BRCA1: variants seen among roughly 807,000 people sequenced by gnomAD.
BRCA1 encodes breast cancer type 1 susceptibility protein.
Under a neutral mutation model 173.7 loss-of-function variants are expected in BRCA1, and 140 were observed. That is an observed-to-expected ratio of 0.81 (90% CI 0.70 to 0.93). The LOEUF (loss-of-function observed/expected upper bound fraction) is 0.93, where lower values mean the gene tolerates loss of function less well. Among genes scored for constraint, BRCA1 ranks in the 40% least tolerant of loss-of-function variants. The pLI, the probability that BRCA1 is intolerant of heterozygous loss-of-function variation, is 0.00. For synonymous variants in BRCA1, 662 were observed against 756.0 expected (o/e 0.88, Z 2.04); for missense variants, 1,983 against 2,172.5 (o/e 0.91, Z 1.73).
chr17:43,063,837 G>T, intron 17 of BRCA1, 37 bp downstream of exon 17: 1 of 1,558,914 alleles, frequency 6.4e-7, no homozygotes, highest in Non-Finnish European at 8.8e-7. Flanking sequence ...ATTCTGAGGT[G>T]TTAAAGGGAG....
chr17:43,053,909 C>T lies in BRCA1; in HGVS notation c.5278-2792G>A, dbSNP rs550810402. 7.3e-5 allele frequency among the ~76,000 whole-genome samples: 11 copies of T among 150,882 alleles called. No homozygotes were observed. The South Asian group carries it at 2.1e-3, about 29-fold the overall frequency. ...ACTTGAACCCTGGAGGCAGAGATTG[C>T]GGTGAGCCAAGATCACGCCATTGTA... On this transcript the variant is annotated intron_variant, in intron 19 of 22. Transcript: ENST00000357654.
chr17:43,046,096 A>C (rs2050905243), intron 22 of BRCA1, among the ~76,000 whole-genome samples: 1 of 149,330 alleles, frequency 6.7e-6, no homozygotes, highest in African/African-American at 2.5e-5. Flanking sequence ...TAATTTTTGT[A>C]TTTTTAGTAG....
intron 16 of BRCA1, among the ~76,000 whole-genome samples, chr17:43,065,737 G>A (rs948750567): frequency 6.6e-6 from 1 of 152,130 alleles, no homozygotes; most frequent in Non-Finnish European, 1.5e-5. Flanking sequence ...AACTAATTTT[G>A]TTAGAAAGAT....
intron 13 of BRCA1, 65 bp downstream of exon 13, chr17:43,076,423 C>T (rs2052712941): frequency 1.9e-6 from 3 of 1,587,786 alleles, no homozygotes; most frequent in Non-Finnish European, 2.6e-6. Flanking sequence ...AAAAAATTAA[C>T]AATCAGAGTT....
intron 9 of BRCA1, among the ~76,000 whole-genome samples, 154 bp from the exon 10 acceptor site, chr17:43,095,014 ACT>A (rs2154503392): frequency 6.6e-6 from 1 of 151,744 alleles, no homozygotes; most frequent in East Asian, 1.9e-4. Flanking sequence ...TGTAGCTCAT[ACT>A]CTTTCATTTA....
At chr17:43,127,643 A>G (rs768491960), upstream of BRCA1, among the ~76,000 whole-genome samples, 6 of 152,210 alleles carry the variant, frequency 3.9e-5, no homozygotes, top group African/African-American at 9.6e-5. Context: ...AAATGCACCA[A>G]TCAGCACCCT....
intron 1 of BRCA1, chr17:43,166,101 A>C (rs1232361922): frequency 8.4e-6 from 1 of 119,054 alleles, no homozygotes; most frequent in African/African-American, 3.2e-5. Context: ...TCTCTCTTTG[A>C]CTTTCCTTTT....
At chr17:43,098,776 A>AG (rs1301024034) in intron 7 of BRCA1, among the ~76,000 whole-genome samples, 1 of 151,256 alleles carries the variant, frequency 6.6e-6, no homozygotes, top group Non-Finnish European at 1.5e-5. Context: ...CCAAAGCGTT[A>AG]GGATTACAGG....
At position 43,125,268 on chromosome 17, in the gene BRCA1, T is replaced by TA. The variant is rs2055826154; in HGVS notation, c.-20+2dup. 1 of 456,008 alleles carries TA rather than the reference T, an allele frequency of 2.2e-6. No individual in the cohort carries two copies. The highest frequency in any genetic ancestry group is 4.4e-6 in the Non-Finnish European group (1 of 226,940). The allele number at this position is 456,008 out of a possible 1,614,324, so 28.2% of individuals were successfully genotyped here. ...CCCTGTCCCTTTCCCGGGACTCTAC[T>TA]ACCTTTACCCAGAGCAGAGGGTGAA... On this transcript the variant is annotated splice_region_variant and intron_variant, in intron 1 of 22. Coordinates refer to ENST00000357654, the MANE Select transcript of BRCA1 (RefSeq NM_007294.4).
intron 12 of BRCA1, chr17:43,079,788 T>TAAAAA (rs56914599): frequency 7.0e-6 from 5 of 714,048 alleles, no homozygotes; most frequent in Non-Finnish European, 1.2e-5. Context: ...TAATAGGTGT[T>TAAAAA]AAAAAAAAAA....
At chr17:43,076,748 C>T (rs1372095186) in intron 12 of BRCA1, 134 bp from the exon 13 acceptor site, 1 of 968,432 alleles carries the variant, frequency 1.0e-6, no homozygotes, top group African/African-American at 1.6e-5. Context: ...GTATATCAGG[C>T]AGAATTTTAT....
At chr17:43,123,396 G>A (rs1232978073) in intron 2 of BRCA1, among the ~76,000 whole-genome samples, 12 of 125,820 alleles carry the variant, frequency 9.5e-5, no homozygotes, top group African/African-American at 3.5e-4. Context: ...TAGCTCTGTC[G>A]CTGGAGTTCA....
chr17:43,108,910 T>G (rs1190948541), intron 3 of BRCA1, among the ~76,000 whole-genome samples: 2 of 151,830 alleles, frequency 1.3e-5, no homozygotes, highest in Non-Finnish European at 2.9e-5. Context: ...GGAGAATCTC[T>G]TGAACCCGGG....
chr17:43,086,706 C>A (rs1240432511), intron 11 of BRCA1, among the ~76,000 whole-genome samples: 1 of 152,188 alleles, frequency 6.6e-6, no homozygotes, highest in African/African-American at 2.4e-5. Context: ...GAAATTGCAA[C>A]CTTAAACTTT....
chr17:43,045,962 G>A lies in BRCA1; in HGVS notation c.5468-160C>T, dbSNP rs563797962. ...TTTTGAGACGGAGTCTTGCTCTGTC[G>A]CCGAGGCTAGAGTGTGATGGCGCAA... On this transcript the variant is annotated intron_variant, in intron 22 of 22. Transcript: ENST00000357654. Among the ~76,000 whole-genome samples the A allele has an allele frequency of 1.3e-4, 19 of 142,606 alleles. No homozygotes were observed. The South Asian group carries it at 1.6e-3, about 12-fold the overall frequency. The allele number at this position is 142,606 out of a possible 152,430, so 93.6% of individuals were successfully genotyped here.
rs397509048 is a variant in BRCA1, at chr17:43,092,303, T to C, written c.3228A>G (p.Arg1076=). ...ENIQAELGRN[R]GPKLNAMLRL... Reference sequence around the variant, plus strand: ...TAAGCATAGCATTCAATTTTGGCCCTCTGTTTCTACCTAGTTCTGCTTGAA... The same window carrying C: ...TAAGCATAGCATTCAATTTTGGCCCCCTGTTTCTACCTAGTTCTGCTTGAA... The change falls in exon 10 of 23, where the codon AGA becomes AGG. Residue 1076 remains arginine, a synonymous_variant. Transcript: ENST00000357654. The C allele has an allele frequency of 6.2e-7, 1 of 1,613,874 alleles. No homozygotes were observed. Among genetic ancestry groups the C allele is most frequent in the Non-Finnish European group, 8.5e-7 (1 of 1,179,970 alleles).
intron 6 of BRCA1, among the ~76,000 whole-genome samples, chr17:43,102,709 G>A (rs2154545652): frequency 6.6e-6 from 1 of 151,052 alleles, no homozygotes. Context: ...CTGAAGTGCA[G>A]TGGAGTGATC....
In BRCA1 at chr17:43,093,193, G is replaced by A. The variant is rs80356945; in HGVS notation, c.2338C>T (p.Gln780Ter). Residue 780 changes from glutamine (Q) to a stop codon, truncating the protein, a stop_gained, in exon 10 of 23, where the codon CAG becomes TAG. Coordinates refer to ENST00000357654, the MANE Select transcript of BRCA1 (RefSeq NM_007294.4). LOFTEE classifies it high-confidence loss of function. ...SLVPGTDYGT[Q>*]ESISLLEVST... ...ACTTCCAGTAACGAGATACTTTCCT[G>A]AGTGCCATAATCAGTACCAGGTACC... 2.5e-6 allele frequency: 4 copies of A among 1,613,642 alleles called. No homozygotes were observed. The highest frequency in any genetic ancestry group is 1.1e-5 in the South Asian group (1 of 91,028).
At chr17:43,061,186 T>C (rs2051735606) in intron 18 of BRCA1, among the ~76,000 whole-genome samples, 1 of 152,122 alleles carries the variant, frequency 6.6e-6, no homozygotes. Flanking sequence ...GACCTTTATG[T>C]TTGCTATTCC....
Sources: allele counts gnomAD v4.1 joint callset (sites outside exome capture counted in the v4.1 genomes callset), GRCh38; gene constraint gnomAD v4.1.1; transcripts MANE v1.5; gene names NCBI Gene and HGNC (gene_info 2026-07-23, HGNC 2026-07-21).